Variants in PON3 observed in about 807,000 individuals in gnomAD.
PON3 encodes paraoxonase 3, also known as serum paraoxonase/lactonase 3.
In PON3, 37 loss-of-function variants were observed where a neutral mutation model predicts 36.3. That is an observed-to-expected ratio of 1.02 (90% confidence interval 0.78 to 1.34). The LOEUF (loss-of-function observed/expected upper bound fraction) is 1.34. Ranked by LOEUF, PON3 falls within the 40% of genes most tolerant of loss-of-function variation. The pLI, the probability that PON3 is intolerant of heterozygous loss-of-function variation, is 0.00. For synonymous variants in PON3, 155 were observed against 154.8 expected (o/e 1.00, Z -0.01); for missense variants, 415 against 426.5 (o/e 0.97, Z 0.24).
chr7:95,370,407 T>C (rs1278425485), intron 4 of PON3, among the ~76,000 whole-genome samples: 2 of 152,052 alleles, frequency 1.3e-5, no homozygotes, highest in Non-Finnish European at 2.9e-5. Context: ...AATGAGTTGA[T>C]CAAAAGGGCC....
In PON3 at chr7:95,377,083, C is replaced by T. The variant is rs578068807; in HGVS notation, c.202-4745G>A. Among the ~76,000 whole-genome samples the T allele has an allele frequency of 2.0e-5, 3 of 152,348 alleles. No individual in the cohort carries two copies. The South Asian group carries it at 6.2e-4, about 32-fold the overall frequency. On this transcript the variant is annotated intron_variant, in intron 3 of 8. Transcript: ENST00000265627. ...TCCCACAGTCTTTGCAACCAGCAGA[C>T]CAGGAAATTCCCTCCCGTGTCTGGC...
intron 3 of PON3, among the ~76,000 whole-genome samples, chr7:95,387,347 C>T (rs1235405411): frequency 1.3e-5 from 2 of 152,114 alleles, no homozygotes; most frequent in Non-Finnish European, 2.9e-5. Context: ...CAATAACAGA[C>T]AGAGAGCCAA....
chr7:95,395,485 A>ATT (rs1809408973), intron 1 of PON3, among the ~76,000 whole-genome samples: 1 of 152,192 alleles, frequency 6.6e-6, no homozygotes, highest in Non-Finnish European at 1.5e-5. Context: ...TGTAACAATA[A>ATT]AACTCTCAAA....
chr7:95,396,191 T>C, intron 1 of PON3, 86 bp downstream of exon 1: 1 of 1,449,650 alleles, frequency 6.9e-7, no homozygotes, highest in Non-Finnish European at 9.7e-7. Context: ...TCCTACCCGC[T>C]AGGAAGGGGG....
At chr7:95,361,802 G>A (rs1370276432) in intron 8 of PON3, among the ~76,000 whole-genome samples, 3 of 152,058 alleles carry the variant, frequency 2.0e-5, no homozygotes, top group Non-Finnish European at 4.4e-5. Flanking sequence ...AGAAAATGCA[G>A]TTGTCTTATA....
intron 1 of PON3, chr7:95,395,848 T>G (rs1291235533): frequency 7.3e-6 from 2 of 273,488 alleles, no homozygotes; most frequent in Non-Finnish European, 1.4e-5. Context: ...TACTTCTGCA[T>G]GGTTAGCCAG....
chr7:95,369,470 TA>T (rs199893683), intron 4 of PON3, among the ~76,000 whole-genome samples: 7 of 149,694 alleles, frequency 4.7e-5, no homozygotes, highest in South Asian at 2.1e-4. Context: ...CTTTAACATT[TA>T]AAAAAAAAAG....
chr7:95,381,234 G>C (rs935386541), intron 3 of PON3, among the ~76,000 whole-genome samples: 3 of 152,178 alleles, frequency 2.0e-5, no homozygotes, highest in Admixed American at 6.5e-5. Context: ...ACCAGTACCA[G>C]CCACTGCAAA....
In PON3 at chr7:95,362,506, G is replaced by C. The variant is rs759879789; in HGVS notation, c.778-16C>G. 3 of 1,613,270 alleles carry C rather than the reference G, an allele frequency of 1.9e-6. No individual in the cohort carries two copies. Among genetic ancestry groups the C allele is most frequent in the Admixed American group, 3.3e-5 (2 of 59,960 alleles). On this transcript the variant is annotated splice_polypyrimidine_tract_variant and intron_variant, in intron 7 of 8. Coordinates refer to ENST00000265627, the MANE Select transcript of PON3 (RefSeq NM_000940.3). ...ACTGTATCACCTTACAACAAAGAGG[G>C]AGTAGTGAAGACATTGTCTCAATGA...
chr7:95,363,903 A>G lies in PON3; in HGVS notation c.655T>C (p.Phe219Leu), dbSNP rs755906166. 1 of 1,613,750 alleles carries G rather than the reference A, an allele frequency of 6.2e-7. No homozygotes were observed. The highest frequency in any genetic ancestry group is 1.7e-4 in the Middle Eastern group (1 of 6,056). Residue 219 changes from phenylalanine to leucine, a missense_variant, in exon 6 of 9, where the codon TTT (phenylalanine) becomes CTT (leucine). Coordinates refer to ENST00000265627, the MANE Select transcript of PON3 (RefSeq NM_000940.3). ...PREVKVVAKG[F>L]CSANGITVSA... Reference sequence around the variant, plus strand: ...ACTGTGATCCCATTGGCACTACAAAATCCTTTGGCCACCACTTTAACCTCC... The same window carrying G: ...ACTGTGATCCCATTGGCACTACAAAGTCCTTTGGCCACCACTTTAACCTCC...
intron 1 of PON3, chr7:95,395,943 C>T (rs967184457): frequency 1.3e-5 from 5 of 371,872 alleles, no homozygotes; most frequent in African/African-American, 1.0e-4. Flanking sequence ...AATGGACGTC[C>T]TTTTTTCCCA....
At position 95,360,035 on chromosome 7, in the gene PON3, C is replaced by A. The variant is rs1353589511; in HGVS notation, c.1003G>T (p.Val335Leu). 1 of 1,612,846 alleles carries A rather than the reference C, an allele frequency of 6.2e-7. No homozygotes were observed. The highest frequency in any genetic ancestry group is 1.3e-5 in the African/African-American group (1 of 74,606). Reference sequence around the variant, plus strand: ...CCTATGAGAATTTTCCCATGGTACACAGAAGCCACAGAGGTGCCCTGAAGC... The same window carrying A: ...CCTATGAGAATTTTCCCATGGTACAAAGAAGCCACAGAGGTGCCCTGAAGC... ...SVLQGTSVAS[V>L]YHGKILIGTV... The change falls in exon 9 of 9, where the codon GTG becomes TTG. Residue 335 changes from valine (V) to leucine (L), a missense_variant. By Grantham distance (32) the Val-to-Leu change is conservative. Transcript: ENST00000265627.
intron 3 of PON3, among the ~76,000 whole-genome samples, chr7:95,375,455 T>C (rs1282821269): frequency 1.3e-5 from 2 of 151,916 alleles, no homozygotes; most frequent in African/African-American, 4.8e-5. Flanking sequence ...AAATGAGGCC[T>C]AGAAGAGTGA....
chr7:95,361,086 A>C (rs1808560456), intron 8 of PON3, among the ~76,000 whole-genome samples: 1 of 152,160 alleles, frequency 6.6e-6, no homozygotes, highest in Non-Finnish European at 1.5e-5. Flanking sequence ...CTTAAGACAG[A>C]CATTGTGGTT....
At chr7:95,396,203 G>A in intron 1 of PON3, 74 bp downstream of exon 1, 1 of 1,501,692 alleles carries the variant, frequency 6.7e-7, no homozygotes, top group South Asian at 1.1e-5. Flanking sequence ...GGAAGGGGGC[G>A]CCAGGCAGCC....
intron 3 of PON3, among the ~76,000 whole-genome samples, chr7:95,384,226 T>C (rs1210622778): frequency 1.3e-5 from 2 of 152,076 alleles, no homozygotes; most frequent in Non-Finnish European, 2.9e-5. Context: ...AAGACTTAAA[T>C]GTAAGACCTA....
intron 3 of PON3, among the ~76,000 whole-genome samples, chr7:95,382,379 A>G (rs1809079093): frequency 6.6e-6 from 1 of 152,170 alleles, no homozygotes. Flanking sequence ...AGATAGAGAC[A>G]CAAAAAACCC....
chr7:95,393,348 G>A (rs1211628272), intron 2 of PON3, among the ~76,000 whole-genome samples: 1 of 152,176 alleles, frequency 6.6e-6, no homozygotes, highest in Non-Finnish European at 1.5e-5. Flanking sequence ...GCTTCAGAGT[G>A]CTGTGAGAGT....
In PON3 at chr7:95,396,347, C is replaced by G; in HGVS notation, c.4G>C (p.Gly2Arg). 1 of 1,613,976 alleles carries G rather than the reference C, an allele frequency of 6.2e-7. No homozygotes were observed. Among genetic ancestry groups the G allele is most frequent in the Non-Finnish European group, 8.5e-7 (1 of 1,179,940 alleles). Residue 2 changes from glycine (G) to arginine (R), a missense_variant, in exon 1 of 9, where the codon GGG (glycine) becomes CGG (arginine). By Grantham distance (125) the Gly-to-Arg change is moderately radical. Coordinates refer to ENST00000265627, the MANE Select transcript of PON3 (RefSeq NM_000940.3). ...AGCAGGACCAGCGCCACGAGCTTCC[C>G]CATGGTCTCGGGGTGCCCAGCGGCG... MGKLVALVLLGV... is the reference protein window; with the variant it reads MRKLVALVLLGV...
Sources: allele counts gnomAD v4.1 joint callset (sites outside exome capture counted in the v4.1 genomes callset), GRCh38; gene constraint gnomAD v4.1.1; transcripts MANE v1.5; gene names NCBI Gene and HGNC (gene_info 2026-07-23, HGNC 2026-07-21).